The following PCDHGA11 variants were observed in gnomAD, a reference collection of about 807,000 sequenced individuals.
PCDHGA11 encodes the protein protocadherin gamma-A11.
In PCDHGA11, 39 loss-of-function variants were observed where a neutral mutation model predicts 60.4. The ratio of observed to expected loss-of-function variants is 0.65; its 90% CI spans 0.50 to 0.84. The LOEUF (loss-of-function observed/expected upper bound fraction) is 0.84. Among genes scored for constraint, PCDHGA11 ranks in the 40% least tolerant of loss-of-function variants. PCDHGA11 has a pLI of 0.00. For missense variants in PCDHGA11, 1,165 were observed against 1,197.7 expected (o/e 0.97, Z 0.40); for synonymous variants, 533 against 510.3 (o/e 1.04, Z -0.60).
chr5:141,434,789 T>C (rs2097718008), intron 1 of PCDHGA11, among the ~76,000 whole-genome samples: 1 of 152,008 alleles, frequency 6.6e-6, no homozygotes, highest in African/African-American at 2.4e-5. Context: ...AAAAAATTTT[T>C]TTTTCTGAGC....
chr5:141,447,954 C>T (rs927510517), intron 1 of PCDHGA11, among the ~76,000 whole-genome samples: 11 of 151,814 alleles, frequency 7.2e-5, no homozygotes, highest in Non-Finnish European at 1.2e-4. Flanking sequence ...GGCATGGTGG[C>T]GGACACCTAT....
rs1374190670 is a variant in PCDHGA11 at position 141,487,196 on chromosome 5, G to C, written c.2434-7611G>C. ...GGAAGACACTCATCCAGTTGTCCCAGATCTTCGAGAATCTTCAGCTCCAAG... is the reference window on the plus strand; with the variant it reads ...GGAAGACACTCATCCAGTTGTCCCACATCTTCGAGAATCTTCAGCTCCAAG... On this transcript the variant is annotated intron_variant, in intron 1 of 3. Coordinates refer to ENST00000398587, the MANE Select transcript of PCDHGA11 (RefSeq NM_018914.3). The surrounding 1 kb of genome is among the most constrained non-coding windows in gnomAD (Gnocchi z 5.0). 6.2e-7 allele frequency: 1 copy of C among 1,613,878 alleles called. No homozygotes were observed. Among genetic ancestry groups the C allele is most frequent in the Admixed American group, 1.7e-5 (1 of 60,030 alleles).
chr5:141,486,416 C>T lies in PCDHGA11; in HGVS notation c.2434-8391C>T, dbSNP rs2154580601. The T allele has an allele frequency of 6.2e-7, 1 of 1,614,152 alleles. No individual in the cohort carries two copies. The highest frequency in any genetic ancestry group is 8.5e-7 in the Non-Finnish European group (1 of 1,180,016). On this transcript the variant is annotated intron_variant, in intron 1 of 3. Coordinates refer to ENST00000398587, the MANE Select transcript of PCDHGA11 (RefSeq NM_018914.3). This position sits in a 1 kb window ranked among gnomAD's most constrained non-coding sequence, Gnocchi z 5.0. ...CCTGGTGACTGCTGGACCCTTGGAT[C>T]GAGAGGCCAAATCTAGCTATGACAT...
chr5:141,428,177 G>A lies in PCDHGA11; in HGVS notation c.2433+4517G>A, dbSNP rs754811645. The A allele has an allele frequency of 1.4e-5, 21 of 1,510,058 alleles. 1 individual carries two copies. The South Asian group carries it at 1.7e-4, about 12-fold the overall frequency. The allele number at this position is 1,510,058 out of a possible 1,614,324, so 93.5% of individuals were successfully genotyped here. ...CCTGCTGGTTGCTGTGCGTGACGGA[G>A]GACAGCCGCCGCTCTCTGCGCCGCT... On this transcript the variant is annotated intron_variant, in intron 1 of 3. Coordinates refer to ENST00000398587, the MANE Select transcript of PCDHGA11 (RefSeq NM_018914.3).
At position 141,476,251 on chromosome 5, in the gene PCDHGA11, C is replaced by T; in HGVS notation, c.2434-18556C>T. On this transcript the variant is annotated intron_variant, in intron 1 of 3. Coordinates refer to ENST00000398587, the MANE Select transcript of PCDHGA11 (RefSeq NM_018914.3). This position sits in a 1 kb window ranked among gnomAD's most constrained non-coding sequence, Gnocchi z 7.6. The stretch of plus-strand genomic sequence containing the variant: ...TCCCGGAGGAAAGAGAGAAGGGTTT[C>T]GCTGTGGGCAACGTGGTCGCGAACC... 1 of 1,613,866 alleles carries T rather than the reference C, an allele frequency of 6.2e-7. No homozygotes were observed. The highest frequency in any genetic ancestry group is 8.5e-7 in the Non-Finnish European group (1 of 1,179,978).
rs1210809217 is a variant in PCDHGA11 at position 141,432,990 on chromosome 5, A to G, written c.2433+9330A>G. The G allele has an allele frequency of 6.2e-7, 1 of 1,614,152 alleles. No individual in the cohort carries two copies. The highest frequency in any genetic ancestry group is 1.7e-5 in the Admixed American group (1 of 60,022). ...CCGGCGTCGCACTTTGTGGGCGTGGACGGGGTGCAGGCTTTCCTGCAGACC... is the reference window on the plus strand; with the variant it reads ...CCGGCGTCGCACTTTGTGGGCGTGGGCGGGGTGCAGGCTTTCCTGCAGACC... On this transcript the variant is annotated intron_variant, in intron 1 of 3. Transcript: ENST00000398587. This position sits in a 1 kb window ranked among gnomAD's most constrained non-coding sequence, Gnocchi z 6.0.
intron 1 of PCDHGA11, among the ~76,000 whole-genome samples, chr5:141,461,824 T>C (rs958063237): frequency 1.3e-5 from 2 of 151,968 alleles, no homozygotes; most frequent in African/African-American, 4.8e-5. Flanking sequence ...CAGCTAATTT[T>C]TTTTTCTTTT....
At chr5:141,453,101 TTTTTGTTTTG>T (rs879618609) in intron 1 of PCDHGA11, among the ~76,000 whole-genome samples, 16 of 152,130 alleles carry the variant, frequency 1.1e-4, no homozygotes, top group Middle Eastern at 3.4e-3. Flanking sequence ...TTCTGTTGCT[TTTTTGTTTTG>T]TTTTGTTTTG....
At chr5:141,469,104 C>G (rs1046234848) in intron 1 of PCDHGA11, among the ~76,000 whole-genome samples, 3 of 151,760 alleles carry the variant, frequency 2.0e-5, no homozygotes, top group Middle Eastern at 3.2e-3. Flanking sequence ...AAGCAAGAAC[C>G]TGTCTCTAAA....
chr5:141,505,283 G>A, intron 2 of PCDHGA11, 110 bp from the exon 3 acceptor site: 5 of 1,547,446 alleles, frequency 3.2e-6, no homozygotes, highest in Non-Finnish European at 3.5e-6. Flanking sequence ...ACAGGTCTTG[G>A]GCATGGGGTA....
At chr5:141,506,682 C>T (rs1333272766) in intron 3 of PCDHGA11, among the ~76,000 whole-genome samples, 4 of 152,192 alleles carry the variant, frequency 2.6e-5, no homozygotes, top group African/African-American at 9.6e-5. Context: ...ATATTATTAT[C>T]TTTGCTGACC....
Position 141,487,176 on chromosome 5 carries a change from A to G in PCDHGA11, c.2434-7631A>G. On this transcript the variant is annotated intron_variant, in intron 1 of 3. Coordinates refer to ENST00000398587, the MANE Select transcript of PCDHGA11 (RefSeq NM_018914.3). The surrounding 1 kb of genome is among the most constrained non-coding windows in gnomAD (Gnocchi z 5.0). ...ACTCTCTTAGTGTCCTTAGAGGAAGACACTCATCCAGTTGTCCCAGATCTT... is the reference window on the plus strand; with the variant it reads ...ACTCTCTTAGTGTCCTTAGAGGAAGGCACTCATCCAGTTGTCCCAGATCTT... 1 of 1,613,774 alleles carries G rather than the reference A, an allele frequency of 6.2e-7. No homozygotes were observed. The highest frequency in any genetic ancestry group is 8.5e-7 in the Non-Finnish European group (1 of 1,179,664).
rs1212381177 is a variant in PCDHGA11 at position 141,438,571 on chromosome 5, TATACATAC to T, written c.2433+14927_2433+14934del. On this transcript the variant is annotated intron_variant, in intron 1 of 3. Coordinates refer to ENST00000398587, the MANE Select transcript of PCDHGA11 (RefSeq NM_018914.3). Reference sequence around the variant, plus strand: ...GCCCTAATAAGAGGCAGCTGTCTGATATACATACATACATACATACATATATATATATA... The same window carrying T: ...GCCCTAATAAGAGGCAGCTGTCTGATATACATACATACATATATATATATA... Among the ~76,000 whole-genome samples the T allele has an allele frequency of 2.8e-4, 26 of 94,536 alleles. 1 individual carries two copies. Among genetic ancestry groups the T allele is most frequent in the South Asian group, 1.0e-3 (3 of 2,950 alleles). 62.0% of individuals were successfully genotyped at this position (94,536 alleles called of 152,430 possible). A position where few individuals can be genotyped will look rare whatever the true frequency, so the allele number is the denominator to read the frequency against.
intron 2 of PCDHGA11, among the ~76,000 whole-genome samples, chr5:141,504,621 T>A (rs1185981312): frequency 7.9e-6 from 1 of 126,856 alleles, no homozygotes; most frequent in Non-Finnish European, 1.6e-5. Flanking sequence ...GATAGGAAAG[T>A]GCACCTTGGA....
intron 1 of PCDHGA11, among the ~76,000 whole-genome samples, chr5:141,480,866 G>A (rs1329444129): frequency 6.6e-6 from 1 of 152,142 alleles, no homozygotes; most frequent in Non-Finnish European, 1.5e-5. Flanking sequence ...CCAATATGGT[G>A]AAACCCCGTC....
intron 1 of PCDHGA11, among the ~76,000 whole-genome samples, chr5:141,464,155 C>T (rs2099076990): frequency 1.3e-5 from 2 of 151,614 alleles, no homozygotes; most frequent in African/African-American, 4.8e-5. Flanking sequence ...GTCCCAGCTA[C>T]TTGGAAGGCT....
chr5:141,487,361 A>C lies in PCDHGA11; in HGVS notation c.2434-7446A>C. On this transcript the variant is annotated intron_variant, in intron 1 of 3. Transcript: ENST00000398587. This position sits in a 1 kb window ranked among gnomAD's most constrained non-coding sequence, Gnocchi z 5.0. ...TGGAGTCACATGCTTTCCTGCTGGC[A>C]CCTGTGCCTGTCTCACCAGATCTCG... The C allele has an allele frequency of 1.2e-6, 2 of 1,613,834 alleles. No individual in the cohort carries two copies. Among genetic ancestry groups the C allele is most frequent in the East Asian group, 2.2e-5 (1 of 44,860 alleles).
intron 1 of PCDHGA11, among the ~76,000 whole-genome samples, chr5:141,446,411 G>A (rs778985047): frequency 1.3e-5 from 2 of 152,086 alleles, no homozygotes; most frequent in Non-Finnish European, 2.9e-5. Flanking sequence ...TTGAGTTCCA[G>A]CCATGTTCAT....
In PCDHGA11 at chr5:141,421,966, G is replaced by A; in HGVS notation, c.739G>A (p.Val247Ile). The A allele has an allele frequency of 6.2e-7, 1 of 1,610,918 alleles. No individual in the cohort carries two copies. Among genetic ancestry groups the A allele is most frequent in the Non-Finnish European group, 8.5e-7 (1 of 1,178,490 alleles). The change falls in exon 1 of 4, where the codon GTA (valine) becomes ATA (isoleucine). Residue 247 changes from valine (V) to isoleucine (I), a missense_variant. Physicochemically the swap from Val to Ile is conservative, Grantham distance 29. Transcript: ENST00000398587. ...TCACATCCCAATGTTTACACAGTCC[G>A]TATATCGCGTGAGTGTTCCAGAAAA... Reference protein sequence around the residue: ...NDHIPMFTQSVYRVSVPENIS... With the variant: ...NDHIPMFTQSIYRVSVPENIS...
Sources: gnomAD v4.1 joint callset for allele counts (sites outside exome capture counted in the v4.1 genomes callset) on GRCh38, gnomAD v4.1.1 for gene constraint, Gnocchi (gnomAD v3.1) non-coding constraint, MANE v1.5 for transcripts, NCBI Gene and HGNC (gene_info 2026-07-23, HGNC 2026-07-21) for gene names.